Variants in PDE1C observed in about 807,000 individuals in gnomAD.
The protein encoded by PDE1C is phosphodiesterase 1C.
A neutral mutation model predicts 93.1 loss-of-function variants in PDE1C; 62 were observed. The ratio of observed to expected loss-of-function variants is 0.67; its 90% CI spans 0.54 to 0.82. The LOEUF is 0.82. PDE1C is among the 40% of genes least tolerant of loss of function. PDE1C has a pLI of 0.00. For synonymous variants in PDE1C, 325 were observed against 310.1 expected (o/e 1.05, Z -0.50); for missense variants, 742 against 884.6 (o/e 0.84, Z 2.04).
chr7:31,773,838 G>A (rs1051511076), intron 17 of PDE1C, among the ~76,000 whole-genome samples: 4 of 152,136 alleles, frequency 2.6e-5, no homozygotes, highest in Non-Finnish European at 5.9e-5. Context: ...CATGGAAAAA[G>A]CCACCTATCA....
chr7:32,249,313 G>T (rs1396437872), intron 1 of PDE1C, among the ~76,000 whole-genome samples: 1 of 151,880 alleles, frequency 6.6e-6, no homozygotes, highest in Non-Finnish European at 1.5e-5. Flanking sequence ...AGAACTACTT[G>T]GTGGTGTTTT....
Position 32,341,173 on chromosome 7 carries a change from C to CTATTTTTTTTTTTTTTTTTTTTTTTT in PDE1C, c.310+86648_310+86649insAAAAAAAAAAAAAAAAAAAAAAAATA, listed in dbSNP as rs796122014. Among the ~76,000 whole-genome samples, 11 of 84,958 alleles carry CTATTTTTTTTTTTTTTTTTTTTTTTT rather than the reference C, an allele frequency of 1.3e-4. 1 individual carries two copies. The highest frequency in any genetic ancestry group is 4.8e-4 in the African/African-American group (11 of 23,022). 55.7% of individuals were successfully genotyped at this position (84,958 alleles called of 152,430 possible). On this transcript the variant is annotated intron_variant, in intron 1 of 1. Transcript: ENST00000672256. ...CCTAAAACTACTCTAGAAATAAAGT[C>CTATTTTTTTTTTTTTTTTTTTTTTTT]TTTTTTTTTTTTTTTTTTTTGAGAC...
intron 1 of PDE1C, among the ~76,000 whole-genome samples, chr7:32,412,227 G>A: frequency 6.6e-6 from 1 of 152,164 alleles, no homozygotes; most frequent in East Asian, 1.9e-4. Context: ...GGCTGAGGCA[G>A]GCGGATTACC....
intron 16 of PDE1C, among the ~76,000 whole-genome samples, chr7:31,791,502 A>T (rs1352494421): frequency 6.6e-6 from 1 of 152,108 alleles, no homozygotes; most frequent in Non-Finnish European, 1.5e-5. Flanking sequence ...GCAATACATG[A>T]CTTTGTCCTT....
chr7:32,184,398 C>A lies in PDE1C; in HGVS notation c.137-14442G>T, dbSNP rs556616877. Among the ~76,000 whole-genome samples the A allele has an allele frequency of 6.1e-3, 926 of 152,278 alleles. 10 individuals carry two copies. Among genetic ancestry groups the A allele is most frequent in the African/African-American group, 0.021 (886 of 41,542 alleles). On this transcript the variant is annotated intron_variant, in intron 2 of 18. Transcript: ENST00000396193. ...CACAATAGCAAAGACTTGGAACCAACCCAAATGTCCAACAATGATAGACTG... is the reference window on the plus strand; with the variant it reads ...CACAATAGCAAAGACTTGGAACCAAACCAAATGTCCAACAATGATAGACTG...
intron 9 of PDE1C, among the ~76,000 whole-genome samples, chr7:31,842,365 T>C (rs983107659): frequency 1.3e-5 from 2 of 152,134 alleles, no homozygotes; most frequent in African/African-American, 2.4e-5. Flanking sequence ...ATAAGATTGG[T>C]ATTATCTGTT....
chr7:31,651,726 G>A, the PDE1C span, among the ~76,000 whole-genome samples: 1 of 151,344 alleles, frequency 6.6e-6, no homozygotes, highest in Non-Finnish European at 1.5e-5. Context: ...ATTAAATTGT[G>A]CTCTTAAAAT....
rs200562236 is a variant in PDE1C, at chr7:32,193,915, TG to T, written c.136+15573del. ...GTGGTTTTTTTTTTTGGTTTTGTTT[TG>T]TTTTTTTTTTTTTTTTGAGACGGAG... On this transcript the variant is annotated intron_variant, in intron 2 of 18. Coordinates refer to the PDE1C transcript ENST00000396193. Among the ~76,000 whole-genome samples, 1,028 of 108,316 alleles carry T rather than the reference TG, an allele frequency of 9.5e-3. 30 individuals are homozygous for T. Among genetic ancestry groups the T allele is most frequent in the African/African-American group, 0.028 (860 of 30,498 alleles). 71.1% of individuals were successfully genotyped at this position (108,316 alleles called of 152,430 possible). A position where few individuals can be genotyped will look rare whatever the true frequency, so the allele number is the denominator to read the frequency against.
intron 3 of PDE1C, among the ~76,000 whole-genome samples, chr7:32,109,774 T>C (rs1262849244): frequency 8.4e-6 from 1 of 119,010 alleles, no homozygotes; most frequent in Non-Finnish European, 1.6e-5. Context: ...TTTCATTTCA[T>C]TTCTTTTCTT....
chr7:31,813,961 T>C (rs1787879618), intron 15 of PDE1C, among the ~76,000 whole-genome samples: 1 of 152,138 alleles, frequency 6.6e-6, no homozygotes, highest in African/African-American at 2.4e-5. Flanking sequence ...TCCAATTCCA[T>C]CCAGGTTGCT....
chr7:31,996,098 C>CAA (rs915105584), intron 2 of PDE1C, among the ~76,000 whole-genome samples: 8 of 147,010 alleles, frequency 5.4e-5, no homozygotes, highest in Non-Finnish European at 1.1e-4. Context: ...CACACACACA[C>CAA]ACACACACTT....
intron 2 of PDE1C, among the ~76,000 whole-genome samples, chr7:32,014,531 T>C (rs562785087): frequency 6.6e-6 from 1 of 152,288 alleles, no homozygotes; most frequent in South Asian, 2.1e-4. Context: ...GGTATACATG[T>C]GCCATGGTGG....
upstream of PDE1C, among the ~76,000 whole-genome samples, chr7:32,073,183 G>A (rs911216219): frequency 1.3e-5 from 2 of 152,114 alleles, no homozygotes; most frequent in East Asian, 3.9e-4. Flanking sequence ...GAAAGAAATC[G>A]ACTTTTGCTG....
chr7:31,983,355 T>C (rs545866185), intron 2 of PDE1C, among the ~76,000 whole-genome samples: 6 of 151,962 alleles, frequency 3.9e-5, no homozygotes, highest in East Asian at 1.9e-4. Context: ...ATCAGGAGAG[T>C]TGGGGAAGCT....
chr7:32,364,533 T>C (rs1562691792), intron 1 of PDE1C, among the ~76,000 whole-genome samples: 1 of 152,130 alleles, frequency 6.6e-6, no homozygotes, highest in Non-Finnish European at 1.5e-5. Context: ...CCAGCCCCAT[T>C]ACCACTGCAA....
intron 1 of PDE1C, among the ~76,000 whole-genome samples, chr7:32,266,450 G>A (rs920871182): frequency 1.1e-4 from 16 of 151,352 alleles, no homozygotes; most frequent in Non-Finnish European, 1.8e-4. Flanking sequence ...GTGGTGAGCC[G>A]AGATCACACC....
chr7:32,332,000 C>T (rs1783525269), intron 1 of PDE1C, among the ~76,000 whole-genome samples: 1 of 152,152 alleles, frequency 6.6e-6, no homozygotes. Flanking sequence ...ACCCATCTCC[C>T]TACACAGTGT....
chr7:31,959,560 A>G (rs1808628120), intron 2 of PDE1C, among the ~76,000 whole-genome samples: 1 of 152,190 alleles, frequency 6.6e-6, no homozygotes, highest in Non-Finnish European at 1.5e-5. Context: ...AGATAATCCA[A>G]TCCAGAAGAA....
At chr7:32,118,271 T>TA (rs1393856241) in intron 3 of PDE1C, among the ~76,000 whole-genome samples, 1 of 152,146 alleles carries the variant, frequency 6.6e-6, no homozygotes, top group East Asian at 1.9e-4. Context: ...TGTGAGCAGA[T>TA]AGAGAAATAT....
Sources: allele counts gnomAD v4.1 joint callset (sites outside exome capture counted in the v4.1 genomes callset), GRCh38; gene constraint gnomAD v4.1.1; transcripts MANE v1.5; gene names NCBI Gene and HGNC (gene_info 2026-07-23, HGNC 2026-07-21).